DHX38: variants seen among roughly 807,000 people sequenced by gnomAD.
The protein encoded by DHX38 is DEAH-box helicase 38.
Under a neutral mutation model 153.1 loss-of-function variants are expected in DHX38, and 100 were observed. The observed-to-expected ratio is 0.65, with a 90% confidence interval of 0.56 to 0.77. The LOEUF is 0.77. DHX38 is among the 30% of genes least tolerant of loss of function. The pLI is 0.00. For missense variants in DHX38, 1,440 were observed against 1,654.0 expected (o/e 0.87, Z 2.24); for synonymous variants, 650 against 631.7 (o/e 1.03, Z -0.43).
At position 72,101,121 on chromosome 16, in the gene DHX38, T is replaced by C; in HGVS notation, c.1314T>C (p.Ser438=). The C allele has an allele frequency of 6.2e-7, 1 of 1,614,246 alleles. No individual in the cohort carries two copies. The highest frequency in any genetic ancestry group is 1.3e-5 in the African/African-American group (1 of 75,068). The change falls in exon 10 of 27, where the codon TCT becomes TCC. Residue 438 remains serine, a synonymous_variant. Transcript: ENST00000268482. Reference sequence around the variant, plus strand: ...TGATTCCAGTGAAGGATGCTACTTCTGACCTGGCCATCATTGCTCGGAAAG... The same window carrying C: ...TGATTCCAGTGAAGGATGCTACTTCCGACCTGGCCATCATTGCTCGGAAAG... ...EPVIPVKDAT[S]DLAIIARKGS... is the part of the protein sequence containing the mutation.
intron 6 of DHX38, 24 bp from the exon 7 acceptor site, chr16:72,099,180 G>T: frequency 6.2e-7 from 1 of 1,602,074 alleles, no homozygotes. Context: ...GGCATGGACT[G>T]ACCTGCTTCC....
At chr16:72,098,151 G>A (rs775150935) in intron 4 of DHX38, among the ~76,000 whole-genome samples, 1 of 152,200 alleles carries the variant, frequency 6.6e-6, no homozygotes, top group Non-Finnish European at 1.5e-5. Context: ...CTGGACCATT[G>A]GCTAGGTGCA....
chr16:72,101,790 T>C (rs2042105336), intron 11 of DHX38, among the ~76,000 whole-genome samples, 178 bp downstream of exon 11: 2 of 152,172 alleles, frequency 1.3e-5, no homozygotes, highest in African/African-American at 2.4e-5. Flanking sequence ...TCCTCCACTT[T>C]TCCTATATGT....
chr16:72,101,235 T>C (rs1351213513), intron 10 of DHX38, 42 bp downstream of exon 10: 2 of 1,604,246 alleles, frequency 1.2e-6, no homozygotes, highest in Admixed American at 3.4e-5. Flanking sequence ...TATGTGTATT[T>C]TTTTCTTTTT....
chr16:72,102,975 A>C (rs2042120591), intron 11 of DHX38, 99 bp from the exon 12 acceptor site: 2 of 1,512,878 alleles, frequency 1.3e-6, no homozygotes, highest in African/African-American at 2.8e-5. Flanking sequence ...ACTCTTGCCG[A>C]AGTCCTCATT....
chr16:72,094,620 C>A (rs1303710349), intron 1 of DHX38, among the ~76,000 whole-genome samples: 3 of 152,198 alleles, frequency 2.0e-5, no homozygotes, highest in Non-Finnish European at 4.4e-5. Flanking sequence ...TCTCAAGAAT[C>A]TTGCTCTTTA....
In DHX38 at chr16:72,107,894, G is replaced by A. The variant is rs1852374254; in HGVS notation, c.2964+95G>A. 2 of 1,469,200 alleles carry A rather than the reference G, an allele frequency of 1.4e-6. No homozygotes were observed. The highest frequency in any genetic ancestry group is 1.4e-5 in the African/African-American group (1 of 71,330). The allele number at this position is 1,469,200 out of a possible 1,614,324, so 91.0% of individuals were successfully genotyped here. On this transcript the variant is annotated intron_variant, in intron 21 of 26. Coordinates refer to ENST00000268482, the MANE Select transcript of DHX38 (RefSeq NM_014003.4). The surrounding 1 kb of genome is among the most constrained non-coding windows in gnomAD (Gnocchi z 5.3). Reference sequence around the variant, plus strand: ...TCTGTATTACTGAAATGGAACAGAGGGCAGAATCAGAGTTTCTGAAGAATG... The same window carrying A: ...TCTGTATTACTGAAATGGAACAGAGAGCAGAATCAGAGTTTCTGAAGAATG...
rs1424309497 is a variant in DHX38, at chr16:72,098,432, CAAAAAAAG to C, written c.617-204_617-197del. On this transcript the variant is annotated intron_variant, in intron 4 of 26. Transcript: ENST00000268482. ...TGGGCGACAGAGCAAGACTTTGTCT[CAAAAAAAG>C]AAAAAAAGGAAAAATACATCCTGGA... Among the ~76,000 whole-genome samples, 9 of 150,932 alleles carry C rather than the reference CAAAAAAAG, an allele frequency of 6.0e-5. No homozygotes were observed. In the East Asian group the frequency reaches 1.7e-3, roughly 29 times the overall value.
rs764293185 is a variant in DHX38 at position 72,096,246 on chromosome 16, A to G, written c.89A>G (p.Lys30Arg). ...GTTGGTGGTCTTATTTGCAAGTCCA[A>G]AAGTGCGGCCAGCGAGCAGCATGTC... is the stretch of plus-strand genomic sequence containing the variant. The part of the protein sequence containing the change: ...CQVGGLICKS[K>R]SAASEQHVFK... Residue 30 changes from lysine to arginine, a missense_variant, in exon 2 of 27, where the codon AAA becomes AGA. This residue lies in a region of DHX38 where 483 missense variants were observed against 465.1 expected (regional missense o/e 1.04). Coordinates refer to ENST00000268482, the MANE Select transcript of DHX38 (RefSeq NM_014003.4). 45 of 1,614,036 alleles carry G rather than the reference A, an allele frequency of 2.8e-5. No individual in the cohort carries two copies. The highest frequency in any genetic ancestry group is 1.8e-4 in the East Asian group (8 of 44,884).
chr16:72,105,178 T>C, intron 16 of DHX38, 41 bp downstream of exon 16: 1 of 1,613,818 alleles, frequency 6.2e-7, no homozygotes, highest in Non-Finnish European at 8.5e-7. Context: ...GGGTGTGTCT[T>C]GCATATGAGA....
chr16:72,108,675 T>C (rs1339291513), intron 23 of DHX38, 68 bp downstream of exon 23: 9 of 1,591,506 alleles, frequency 5.7e-6, no homozygotes, highest in Non-Finnish European at 7.7e-6. Context: ...TCTTCCTTTG[T>C]CCTGGTGTGG....
rs201233417 is a variant in DHX38, at chr16:72,107,509, A to G, written c.2770A>G (p.Met924Val). The change falls in exon 20 of 27, where the codon ATG becomes GTG. Residue 924 changes from methionine to valine, a missense_variant. This residue lies in a region of DHX38 where 543 missense variants were observed against 717.9 expected (regional missense o/e 0.76). Transcript: ENST00000268482. The surrounding 1 kb of genome is among the most constrained non-coding windows in gnomAD (Gnocchi z 5.3). ...CCCGGAGGACAACATGCTCAACTCT[A>G]TGTATCAGCTCTGGATCCTCGGGGC... Reference protein sequence around the residue: ...PPPEDNMLNSMYQLWILGALD... With the variant: ...PPPEDNMLNSVYQLWILGALD... 21 of 1,614,056 alleles carry G rather than the reference A, an allele frequency of 1.3e-5. No individual in the cohort carries two copies. In the East Asian group the frequency reaches 1.3e-4, roughly 10 times the overall value.
chr16:72,095,517 A>G (rs1369057346), intron 1 of DHX38, among the ~76,000 whole-genome samples: 2 of 152,216 alleles, frequency 1.3e-5, no homozygotes, highest in Non-Finnish European at 2.9e-5. Context: ...AACAGTATAT[A>G]GGAGGATAGC....
chr16:72,097,683 G>C lies in DHX38; in HGVS notation c.518G>C (p.Arg173Pro). The C allele has an allele frequency of 6.2e-7, 1 of 1,613,886 alleles. No homozygotes were observed. Among genetic ancestry groups the C allele is most frequent in the Non-Finnish European group, 8.5e-7 (1 of 1,179,868 alleles). Residue 173 changes from arginine to proline, a missense_variant, in exon 4 of 27, where the codon CGG (arginine) becomes CCG (proline). By Grantham distance (103) the Arg-to-Pro change is moderately radical (BLOSUM62 -2). This residue lies in a region of DHX38 where 483 missense variants were observed against 465.1 expected (regional missense o/e 1.04). Transcript: ENST00000268482. ...TTCGTGTGACTCTTCATAGATGAGC[G>C]GGATAGAAGTAGGCACAGCAGCAGA... ...DYDRKRDRDE[R>P]DRSRHSSRSE...
chr16:72,111,223 G>A, intron 26 of DHX38, 146 bp downstream of exon 26: 1 of 1,273,688 alleles, frequency 7.9e-7, no homozygotes, highest in Admixed American at 3.0e-5. Flanking sequence ...GCATTTGGTG[G>A]TCACATGGAT....
rs1201971878 is a variant in DHX38 at position 72,108,268 on chromosome 16, T to C, written c.3006T>C (p.Ala1002=). The change falls in exon 22 of 27, where the codon GCT becomes GCC. Residue 1002 remains alanine, a synonymous_variant. Transcript: ENST00000268482. The part of the protein sequence containing the change: ...EESDQIREKF[A]VPESDHLTYL... ...GTGATCAAATCCGGGAGAAGTTCGC[T>C]GTTCCTGAGAGCGATCATTTGACCT... 6.2e-7 allele frequency: 1 copy of C among 1,614,010 alleles called. No homozygotes were observed. The highest frequency in any genetic ancestry group is 1.1e-5 in the South Asian group (1 of 91,082).
At chr16:72,097,200 A>T (rs1317973972) in intron 3 of DHX38, 191 bp downstream of exon 3, 1 of 560,194 alleles carries the variant, frequency 1.8e-6, no homozygotes, top group Non-Finnish European at 3.1e-6. Flanking sequence ...CCTGTAACAT[A>T]GCTGCTCTCC....
intron 25 of DHX38, among the ~76,000 whole-genome samples, chr16:72,110,755 T>C (rs1293873600): frequency 6.6e-6 from 1 of 152,218 alleles, no homozygotes; most frequent in African/African-American, 2.4e-5. Context: ...TTAGGACTGA[T>C]TGTCCAGTGT....
intron 8 of DHX38, 64 bp from the exon 9 acceptor site, chr16:72,100,372 C>A: frequency 6.4e-7 from 1 of 1,563,776 alleles, no homozygotes; most frequent in Non-Finnish European, 8.7e-7. Flanking sequence ...GGACTTACCT[C>A]ATAACCTTTC....
Sources: gnomAD v4.1 joint callset for allele counts (sites outside exome capture counted in the v4.1 genomes callset) on GRCh38, gnomAD v4.1.1 for gene constraint, gnomAD v4.1.1 regional missense constraint, Gnocchi (gnomAD v3.1) non-coding constraint, MANE v1.5 for transcripts, NCBI Gene and HGNC (gene_info 2026-07-23, HGNC 2026-07-21) for gene names.